The following SPATS2L variants were observed in gnomAD, a reference collection of about 807,000 sequenced individuals.
SPATS2L encodes the protein spermatogenesis associated serine rich 2 like.
A neutral mutation model predicts 59.6 loss-of-function variants in SPATS2L; 30 were observed. That is an observed-to-expected ratio of 0.50 (90% CI 0.38 to 0.68). The LOEUF (loss-of-function observed/expected upper bound fraction) is 0.68, where lower values mean the gene tolerates loss of function less well. SPATS2L is among the 30% of genes least tolerant of loss of function. SPATS2L has a pLI of 0.00. For missense variants in SPATS2L, 615 were observed against 700.0 expected (o/e 0.88, Z 1.37); for synonymous variants, 252 against 263.5 (o/e 0.96, Z 0.42).
intron 8 of SPATS2L, among the ~76,000 whole-genome samples, chr2:200,459,192 C>T (rs999825361): frequency 6.6e-6 from 1 of 152,060 alleles, no homozygotes; most frequent in Non-Finnish European, 1.5e-5. Context: ...AAATGAAATA[C>T]GAGAAAAAGT....
intron 6 of SPATS2L, among the ~76,000 whole-genome samples, chr2:200,434,447 TTG>T (rs2106078013): frequency 6.6e-6 from 1 of 152,160 alleles, no homozygotes; most frequent in South Asian, 2.1e-4. Flanking sequence ...ACTGTCATCA[TTG>T]TGTTTGTAGA....
At chr2:200,451,321 T>G (rs2085428947) in intron 8 of SPATS2L, among the ~76,000 whole-genome samples, 1 of 152,006 alleles carries the variant, frequency 6.6e-6, no homozygotes, top group Non-Finnish European at 1.5e-5. Context: ...AGCCAGACCC[T>G]GTCTCAAAAA....
intron 2 of SPATS2L, among the ~76,000 whole-genome samples, chr2:200,361,544 C>A (rs1312357626): frequency 6.6e-6 from 1 of 152,218 alleles, no homozygotes; most frequent in Non-Finnish European, 1.5e-5. Context: ...ATACATTTCT[C>A]CAAATCGTTA....
intron 2 of SPATS2L, among the ~76,000 whole-genome samples, chr2:200,378,913 A>C (rs2081697821): frequency 6.6e-6 from 1 of 152,170 alleles, no homozygotes; most frequent in Non-Finnish European, 1.5e-5. Context: ...GATCCCATTA[A>C]AAGTTTAAAA....
At chr2:200,403,935 G>C (rs776324664) in intron 3 of SPATS2L, among the ~76,000 whole-genome samples, 10 of 152,192 alleles carry the variant, frequency 6.6e-5, no homozygotes, top group Admixed American at 2.0e-4. Context: ...GCAGAGGAAT[G>C]GTTTCCATAA....
intron 2 of SPATS2L, among the ~76,000 whole-genome samples, chr2:200,363,141 G>A (rs915904614): frequency 6.6e-6 from 1 of 151,934 alleles, no homozygotes; most frequent in Non-Finnish European, 1.5e-5. Context: ...TATGTTTGAT[G>A]CCTATAATGA....
At chr2:200,465,404 T>C (rs577503866) in intron 9 of SPATS2L, among the ~76,000 whole-genome samples, 3 of 152,366 alleles carry the variant, frequency 2.0e-5, no homozygotes, top group East Asian at 1.9e-4. Flanking sequence ...ACAAGACATA[T>C]GTACTCTGGC....
intron 10 of SPATS2L, among the ~76,000 whole-genome samples, chr2:200,468,904 C>T (rs11885025): frequency 0.19 from 29,204 of 152,184 alleles, 3,235 homozygotes; most frequent in Middle Eastern, 0.33. Context: ...ATCACCTCAT[C>T]TTCCGAGTTT....
intron 6 of SPATS2L, among the ~76,000 whole-genome samples, chr2:200,427,222 CTG>C (rs1400167938): frequency 2.0e-5 from 3 of 152,074 alleles, no homozygotes; most frequent in South Asian, 2.1e-4. Context: ...AAAGATTTAA[CTG>C]TTTCTATTAA....
chr2:200,349,003 A>G (rs2080619505), intron 2 of SPATS2L, among the ~76,000 whole-genome samples: 1 of 152,094 alleles, frequency 6.6e-6, no homozygotes, highest in Non-Finnish European at 1.5e-5. Context: ...GGCATATCCT[A>G]GGTGCTTTTA....
At chr2:200,403,978 T>A (rs928435287) in intron 3 of SPATS2L, among the ~76,000 whole-genome samples, 3 of 152,230 alleles carry the variant, frequency 2.0e-5, no homozygotes, top group African/African-American at 7.2e-5. Context: ...ATTTTTATTA[T>A]GTCTTCACTC....
chr2:200,392,115 T>C (rs902332266), intron 3 of SPATS2L, among the ~76,000 whole-genome samples: 4 of 152,182 alleles, frequency 2.6e-5, no homozygotes, highest in Non-Finnish European at 4.4e-5. Flanking sequence ...ATAAGTGTCT[T>C]TTTGTATGCT....
chr2:200,396,822 A>T (rs557856174), intron 3 of SPATS2L, among the ~76,000 whole-genome samples: 1 of 152,344 alleles, frequency 6.6e-6, no homozygotes, highest in South Asian at 2.1e-4. Flanking sequence ...CAAGAACACA[A>T]GCCACACAGC....
intron 2 of SPATS2L, among the ~76,000 whole-genome samples, chr2:200,349,541 G>A (rs531088517): frequency 6.6e-6 from 1 of 152,196 alleles, no homozygotes; most frequent in Non-Finnish European, 1.5e-5. Context: ...GGAAGTCTGA[G>A]GCATGAGAAT....
At chr2:200,473,893 G>A (rs1262034228) in intron 12 of SPATS2L, among the ~76,000 whole-genome samples, 1 of 152,034 alleles carries the variant, frequency 6.6e-6, no homozygotes, top group Non-Finnish European at 1.5e-5. Flanking sequence ...CCAGTTACTC[G>A]GGAGGCTGAG....
intron 1 of SPATS2L, among the ~76,000 whole-genome samples, chr2:200,319,604 C>CTTGA (rs1176368368): frequency 7.0e-6 from 1 of 143,614 alleles, no homozygotes; most frequent in Non-Finnish European, 1.5e-5. Flanking sequence ...TTGAATGCAA[C>CTTGA]AGCCTACTCC....
intron 1 of SPATS2L, among the ~76,000 whole-genome samples, chr2:200,316,388 A>T (rs1385551160): frequency 6.6e-6 from 1 of 152,234 alleles, no homozygotes; most frequent in Non-Finnish European, 1.5e-5. Flanking sequence ...TTGTGCTAAA[A>T]ACAGAAGTTT....
At chr2:200,312,701 G>T (rs866388089) in intron 1 of SPATS2L, among the ~76,000 whole-genome samples, 1 of 152,142 alleles carries the variant, frequency 6.6e-6, no homozygotes, top group Non-Finnish European at 1.5e-5. Flanking sequence ...TGTAGAGCTG[G>T]TATAAAGCCC....
intron 6 of SPATS2L, among the ~76,000 whole-genome samples, chr2:200,429,015 C>G (rs779063026): frequency 7.2e-5 from 11 of 152,168 alleles, no homozygotes; most frequent in Admixed American, 1.3e-4. Context: ...TTTCAAAACA[C>G]AAATCTGACC....
Sources: allele counts gnomAD v4.1 joint callset (sites outside exome capture counted in the v4.1 genomes callset), GRCh38; gene constraint gnomAD v4.1.1; transcripts MANE v1.5; gene names NCBI Gene and HGNC (gene_info 2026-07-23, HGNC 2026-07-21).